ST7: variants seen among roughly 807,000 people sequenced by gnomAD.
ST7 encodes suppressor of tumorigenicity 7 protein.
Under a neutral mutation model 78.7 loss-of-function variants are expected in ST7, and 28 were observed. The observed-to-expected ratio is 0.36, with a 90% confidence interval of 0.26 to 0.49. The LOEUF (loss-of-function observed/expected upper bound fraction) is 0.49, where lower values mean the gene tolerates loss of function less well. ST7 is among the 20% of genes least tolerant of loss of function. The pLI is 0.99. For missense variants in ST7, 418 were observed against 696.0 expected, an observed-to-expected ratio of 0.60 and a Z score of 4.49; for synonymous variants, 247 against 249.6, an observed-to-expected ratio of 0.99 and a Z score of 0.10.
Position 117,116,084 on chromosome 7 carries a change from C to A in ST7, c.235-3477C>A, listed in dbSNP as rs567609085. Reference sequence around the variant, plus strand: ...AGTTTAAAGGGGTTTTGCCTTTAAACTAAATGGTAAGGTTCCTGTTGACTT... The same window carrying A: ...AGTTTAAAGGGGTTTTGCCTTTAAAATAAATGGTAAGGTTCCTGTTGACTT... On this transcript the variant is annotated intron_variant, in intron 2 of 15. Coordinates refer to ENST00000323984, the MANE Select transcript of ST7 (RefSeq NM_001369598.1). 9.2e-5 allele frequency among the ~76,000 whole-genome samples: 14 copies of A among 152,258 alleles called. No individual in the cohort carries two copies. In the East Asian group the frequency reaches 2.5e-3, roughly 27 times the overall value.
intron 1 of ST7, among the ~76,000 whole-genome samples, chr7:116,965,157 G>A (rs746997289): frequency 2.0e-5 from 3 of 152,134 alleles, no homozygotes; most frequent in Admixed American, 6.5e-5. Flanking sequence ...GGCTAACACG[G>A]TGAAACGCTA....
intron 10 of ST7, among the ~76,000 whole-genome samples, chr7:117,188,899 T>C (rs1236602673): frequency 6.6e-6 from 1 of 152,192 alleles, no homozygotes; most frequent in Non-Finnish European, 1.5e-5. Context: ...AGTCTTCTTT[T>C]AATCTAGATT....
intron 9 of ST7, among the ~76,000 whole-genome samples, chr7:117,159,537 T>G (rs1806966625): frequency 6.6e-6 from 1 of 152,198 alleles, no homozygotes; most frequent in African/African-American, 2.4e-5. Flanking sequence ...TGAGCATGTT[T>G]AAAGATTTAT....
intron 9 of ST7, among the ~76,000 whole-genome samples, chr7:117,140,329 T>C (rs10269381): frequency 0.079 from 12,053 of 152,200 alleles, 651 homozygotes; most frequent in African/African-American, 0.15. Flanking sequence ...ATCTCAGCTT[T>C]GCTCTTTACC....
chr7:117,019,555 C>T (rs977355905), intron 1 of ST7, among the ~76,000 whole-genome samples: 1 of 152,018 alleles, frequency 6.6e-6, no homozygotes. Context: ...ATGTAAGGCA[C>T]GATGAAGAAA....
At chr7:117,173,755 T>G (rs1808168897) in intron 10 of ST7, among the ~76,000 whole-genome samples, 1 of 152,168 alleles carries the variant, frequency 6.6e-6, no homozygotes. Flanking sequence ...AATGCTCTGG[T>G]TGGGTAGCCG....
At chr7:117,189,591 A>G (rs1252686853) in intron 11 of ST7, among the ~76,000 whole-genome samples, 198 bp downstream of exon 11, 1 of 152,216 alleles carries the variant, frequency 6.6e-6, no homozygotes, top group Non-Finnish European at 1.5e-5. Flanking sequence ...GGGTGTGTAA[A>G]GGTATCCTAA....
At chr7:117,135,484 T>C (rs1197141449) in intron 7 of ST7, among the ~76,000 whole-genome samples, 1 of 152,114 alleles carries the variant, frequency 6.6e-6, no homozygotes, top group African/African-American at 2.4e-5. Flanking sequence ...CAGTGCTAAC[T>C]GTAAAGAGAT....
At chr7:117,038,508 GC>G (rs1329927423) in intron 1 of ST7, among the ~76,000 whole-genome samples, 1 of 152,156 alleles carries the variant, frequency 6.6e-6, no homozygotes, top group Non-Finnish European at 1.5e-5. Flanking sequence ...TTTTGGTTCT[GC>G]CCTTGACTGG....
chr7:116,981,274 A>AT (rs1160570828), intron 1 of ST7, among the ~76,000 whole-genome samples: 1 of 151,928 alleles, frequency 6.6e-6, no homozygotes, highest in South Asian at 2.1e-4. Flanking sequence ...CACCCAGCTA[A>AT]TTTTTTTGTA....
At chr7:117,121,779 A>G (rs1009744122) in intron 3 of ST7, among the ~76,000 whole-genome samples, 1 of 152,164 alleles carries the variant, frequency 6.6e-6, no homozygotes, top group Non-Finnish European at 1.5e-5. Context: ...CTTTAAAAAA[A>G]TCATATTCTT....
chr7:117,087,847 C>T (rs1800281232), intron 1 of ST7, among the ~76,000 whole-genome samples: 1 of 152,202 alleles, frequency 6.6e-6, no homozygotes, highest in South Asian at 2.1e-4. Flanking sequence ...CAACTCCCCT[C>T]TCTGGTGGTA....
At chr7:117,203,781 G>T (rs1811085268) in intron 12 of ST7, among the ~76,000 whole-genome samples, 1 of 152,010 alleles carries the variant, frequency 6.6e-6, no homozygotes, top group Non-Finnish European at 1.5e-5. Flanking sequence ...TCAAGGTGGG[G>T]ACCTGGCCTG....
Position 117,165,627 on chromosome 7 carries a change from C to T in ST7, c.964-5235C>T, listed in dbSNP as rs532402619. On this transcript the variant is annotated intron_variant, in intron 9 of 15. Coordinates refer to ENST00000323984, the MANE Select transcript of ST7 (RefSeq NM_001369598.1). ...GGTCGGTCACTGACCAAGAATACAG[C>T]AATAAGGCAAAGTTCCTGCTCTCAC... Among the ~76,000 whole-genome samples the T allele has an allele frequency of 3.3e-5, 5 of 152,220 alleles. No homozygotes were observed. In the East Asian group the frequency reaches 5.8e-4, roughly 18 times the overall value.
At chr7:117,048,011 C>T (rs1017874655) in intron 1 of ST7, among the ~76,000 whole-genome samples, 1 of 152,106 alleles carries the variant, frequency 6.6e-6, no homozygotes, top group Non-Finnish European at 1.5e-5. Context: ...CCTAAATGGT[C>T]AATCAACGCA....
intron 13 of ST7, among the ~76,000 whole-genome samples, chr7:117,213,132 T>G (rs911716425): frequency 6.6e-6 from 1 of 152,238 alleles, no homozygotes; most frequent in African/African-American, 2.4e-5. Flanking sequence ...TCAGGTCCGC[T>G]GGCCATGCAT....
At chr7:117,077,292 T>C (rs1799422984) in intron 1 of ST7, among the ~76,000 whole-genome samples, 1 of 152,158 alleles carries the variant, frequency 6.6e-6, no homozygotes, top group African/African-American at 2.4e-5. Flanking sequence ...AACAGGGATA[T>C]AAGTTCTCAC....
At chr7:117,097,884 A>ATATATATATGACATATCAC (rs1334659378) in intron 1 of ST7, among the ~76,000 whole-genome samples, 6 of 15,478 alleles carry the variant, frequency 3.9e-4, no homozygotes, top group African/African-American at 1.4e-3. Flanking sequence ...ATATCACTAT[A>ATATATATATGACATATCAC]TATATATATA....
At chr7:117,070,022 A>C (rs919648011) in intron 1 of ST7, among the ~76,000 whole-genome samples, 2 of 152,250 alleles carry the variant, frequency 1.3e-5, no homozygotes, top group African/African-American at 4.8e-5. Context: ...CTAGAAAGGC[A>C]TGGCATGTTT....
Sources: allele counts gnomAD v4.1 joint callset (sites outside exome capture counted in the v4.1 genomes callset), GRCh38; gene constraint gnomAD v4.1.1; transcripts MANE v1.5; gene names NCBI Gene and HGNC (gene_info 2026-07-23, HGNC 2026-07-21).